C7: variants seen among roughly 807,000 people sequenced by gnomAD.
C7 encodes the protein complement component C7.
A neutral mutation model predicts 104.8 loss-of-function variants in C7; 83 were observed. The observed-to-expected ratio is 0.79, with a 90% CI of 0.66 to 0.95. The LOEUF (loss-of-function observed/expected upper bound fraction) is 0.95, where lower values mean the gene tolerates loss of function less well. Ranked by LOEUF, C7 falls within the 40% of genes least tolerant of loss-of-function variation. The pLI is 0.00. For missense variants in C7, 1,070 were observed against 1,011.2 expected (o/e 1.06, Z -0.79); for synonymous variants, 415 against 360.6 (o/e 1.15, Z -1.71).
intron 9 of C7, among the ~76,000 whole-genome samples, chr5:40,953,921 A>G (rs1045688049): frequency 1.0e-4 from 4 of 39,134 alleles, no homozygotes; most frequent in Non-Finnish European, 3.5e-4. Context: ...TCAGGCTTTA[A>G]TGATTTCTGA....
chr5:40,961,629 G>T (rs974088080), intron 12 of C7, among the ~76,000 whole-genome samples: 2 of 152,040 alleles, frequency 1.3e-5, no homozygotes, highest in African/African-American at 4.8e-5. Flanking sequence ...CAGGCTATCT[G>T]CCTGCCCTGT....
At chr5:40,947,564 C>T (rs768286603) in intron 7 of C7, 38 bp from the exon 8 acceptor site, 4 of 1,606,824 alleles carry the variant, frequency 2.5e-6, no homozygotes, top group Non-Finnish European at 1.7e-6. Context: ...TTTTTATCTT[C>T]CACCTAAAAC....
chr5:40,923,005 A>G (rs1739473468), intron 1 of C7, among the ~76,000 whole-genome samples: 1 of 152,196 alleles, frequency 6.6e-6, no homozygotes, highest in Non-Finnish European at 1.5e-5. Flanking sequence ...AGCTTCTACA[A>G]AGCAAACAAT....
intron 5 of C7, among the ~76,000 whole-genome samples, chr5:40,937,036 G>T (rs997015136): frequency 1.3e-5 from 2 of 151,994 alleles, no homozygotes; most frequent in African/African-American, 4.8e-5. Flanking sequence ...ACTTGTTAAG[G>T]TTTCAAGACC....
At chr5:40,930,662 C>CTTGT (rs1739661787) in intron 2 of C7, among the ~76,000 whole-genome samples, 1 of 151,582 alleles carries the variant, frequency 6.6e-6, no homozygotes, top group Non-Finnish European at 1.5e-5. Context: ...TCCTGGGTTC[C>CTTGT]AGTGATTCTC....
At chr5:40,920,072 A>G (rs1452712215) in intron 1 of C7, among the ~76,000 whole-genome samples, 1 of 152,160 alleles carries the variant, frequency 6.6e-6, no homozygotes, top group Non-Finnish European at 1.5e-5. Context: ...AGATGAACAA[A>G]TTTGACAAAC....
chr5:40,915,695 C>A (rs1249551331), intron 1 of C7, among the ~76,000 whole-genome samples: 5 of 152,204 alleles, frequency 3.3e-5, no homozygotes, highest in Non-Finnish European at 5.9e-5. Context: ...TAACCTCCCC[C>A]AACATTGTTC....
intron 13 of C7, among the ~76,000 whole-genome samples, chr5:40,964,020 C>CTTGTTTTTT (rs1740487746): frequency 2.5e-5 from 1 of 39,862 alleles, no homozygotes; most frequent in Non-Finnish European, 5.9e-5. Context: ...GCTCATAATA[C>CTTGTTTTTT]TTTTTTTTTT....
intron 14 of C7, among the ~76,000 whole-genome samples, chr5:40,969,883 C>A (rs1290649442): frequency 6.6e-6 from 1 of 151,976 alleles, no homozygotes; most frequent in Non-Finnish European, 1.5e-5. Context: ...CAAACTTGCA[C>A]TGCCTTGTTA....
chr5:40,918,670 CTT>C (rs1739375985), intron 1 of C7, among the ~76,000 whole-genome samples: 1 of 141,984 alleles, frequency 7.0e-6, no homozygotes, highest in African/African-American at 2.9e-5. Context: ...ACAAAATAGA[CTT>C]AAAGTCAAAA....
At position 40,920,980 on chromosome 5, in the gene C7, C is replaced by A. The variant is rs1249988001; in HGVS notation, c.7-7600C>A. On this transcript the variant is annotated intron_variant, in intron 1 of 17. Transcript: ENST00000313164. ...AGGAGAATTGCTTGAACTTGGGAGG[C>A]TGAGGTTGCAGTTAGCCAAAATGAT... Among the ~76,000 whole-genome samples, 3 of 150,932 alleles carry A rather than the reference C, an allele frequency of 2.0e-5. No homozygotes were observed. In the East Asian group the frequency reaches 5.9e-4, roughly 29 times the overall value.
At chr5:40,917,038 G>A (rs961371720) in intron 1 of C7, among the ~76,000 whole-genome samples, 1 of 151,598 alleles carries the variant, frequency 6.6e-6, no homozygotes, top group Non-Finnish European at 1.5e-5. Flanking sequence ...GGGAGGCTGA[G>A]GCAAGAGAAT....
intron 1 of C7, among the ~76,000 whole-genome samples, chr5:40,909,951 T>G (rs939562654): frequency 1.3e-5 from 2 of 150,334 alleles, no homozygotes; most frequent in African/African-American, 4.9e-5. Flanking sequence ...TGTTATTTCT[T>G]GGGAAAAACT....
At chr5:40,916,524 C>G (rs1739320806) in intron 1 of C7, among the ~76,000 whole-genome samples, 1 of 152,088 alleles carries the variant, frequency 6.6e-6, no homozygotes, top group Non-Finnish European at 1.5e-5. Flanking sequence ...GTGCTGTAGT[C>G]AGAGAGAACC....
At chr5:40,913,749 G>A (rs944926659) in intron 1 of C7, among the ~76,000 whole-genome samples, 2 of 151,942 alleles carry the variant, frequency 1.3e-5, no homozygotes, top group East Asian at 1.9e-4. Context: ...GCATGATCTC[G>A]GCTCACTGTA....
intron 10 of C7, among the ~76,000 whole-genome samples, chr5:40,956,314 G>A (rs191053617): frequency 5.9e-5 from 9 of 152,340 alleles, no homozygotes; most frequent in African/African-American, 2.2e-4. Context: ...TGAAGTGCTA[G>A]AAGGACGCCA....
At chr5:40,941,059 C>G (rs1393529470) in intron 6 of C7, among the ~76,000 whole-genome samples, 2 of 132,474 alleles carry the variant, frequency 1.5e-5, no homozygotes, top group Non-Finnish European at 3.3e-5. Flanking sequence ...AAGAGGAACA[C>G]TTCTTTTTTT....
chr5:40,947,908 G>A (rs923541579), intron 8 of C7, 63 bp downstream of exon 8: 16 of 1,469,532 alleles, frequency 1.1e-5, no homozygotes, highest in Non-Finnish European at 1.5e-5. Context: ...GAAATAACAT[G>A]TAGTTAATGT....
At chr5:40,912,214 C>A (rs113510944) in intron 1 of C7, among the ~76,000 whole-genome samples, 6 of 152,024 alleles carry the variant, frequency 3.9e-5, no homozygotes, top group Non-Finnish European at 7.4e-5. Context: ...TCAAGAAATG[C>A]TTTTGGTTAG....
Sources: allele counts gnomAD v4.1 joint callset (sites outside exome capture counted in the v4.1 genomes callset), GRCh38; gene constraint gnomAD v4.1.1; transcripts MANE v1.5; gene names NCBI Gene and HGNC (gene_info 2026-07-23, HGNC 2026-07-21).